GPC4: variants seen among roughly 807,000 people sequenced by gnomAD.
GPC4 encodes the protein glypican 4.
A neutral mutation model predicts 35.0 loss-of-function variants in GPC4; 10 were observed. That is an observed-to-expected ratio of 0.29 (90% CI 0.18 to 0.48). GPC4 has a LOEUF of 0.48. GPC4 is among the 20% of genes least tolerant of loss of function. GPC4 has a pLI of 0.99. For synonymous variants in GPC4, 167 were observed against 170.2 expected (o/e 0.98, Z 0.15); for missense variants, 322 against 451.3 (o/e 0.71, Z 2.60).
intron 1 of GPC4, among the ~76,000 whole-genome samples, chrX:133,408,753 A>G (rs972097249): frequency 9.0e-6 from 1 of 111,591 alleles, no homozygotes; most frequent in Non-Finnish European, 1.9e-5. Context: ...AAAAAATCCT[A>G]TAAGCATTCA....
At chrX:133,308,799 G>A (rs1027204097) in intron 4 of GPC4, among the ~76,000 whole-genome samples, 2 of 110,926 alleles carry the variant, frequency 1.8e-5, no homozygotes, top group Admixed American at 1.9e-4. Flanking sequence ...ACTAGGGAAA[G>A]CGATTCCTTT....
rs186727303 is a variant in GPC4 at position 133,401,036 on chromosome X, G to A, written c.160+13770C>T. 2.0e-3 allele frequency among the ~76,000 whole-genome samples: 223 copies of A among 111,255 alleles called. 5 individuals are homozygous for A. The highest frequency in any genetic ancestry group is 1.7e-3 in the Non-Finnish European group (91 of 53,074). ...AACCATGCTGCTATCTGGCAGCAGG[G>A]TGTTCAAGGCACTGAAAATAAGAAG... is the stretch of plus-strand genomic sequence containing the variant. On this transcript the variant is annotated intron_variant, in intron 1 of 8. Coordinates refer to ENST00000370828, the MANE Select transcript of GPC4 (RefSeq NM_001448.3).
chrX:133,387,014 T>C lies in GPC4; in HGVS notation c.160+27792A>G, dbSNP rs140161048. Among the ~76,000 whole-genome samples, 749 of 111,392 alleles carry C rather than the reference T, an allele frequency of 6.7e-3. 8 individuals are homozygous for C. The highest frequency in any genetic ancestry group is 0.023 in the African/African-American group (708 of 30,607). ...CCTGACATGCTGGTGTCAGAAGAAGTTGGAATCTTCACTACATAAAAAAAG... is the reference window on the plus strand; with the variant it reads ...CCTGACATGCTGGTGTCAGAAGAAGCTGGAATCTTCACTACATAAAAAAAG... On this transcript the variant is annotated intron_variant, in intron 1 of 8. Transcript: ENST00000370828.
At chrX:133,372,224 TA>T (rs372391787) in intron 1 of GPC4, among the ~76,000 whole-genome samples, 2,020 of 82,381 alleles carry the variant, frequency 0.025, 61 homozygotes, top group African/African-American at 0.071. Context: ...ACTCCGTCTT[TA>T]AAAAAAAAAA....
intron 1 of GPC4, among the ~76,000 whole-genome samples, chrX:133,390,516 T>C (rs1603093343): frequency 1.8e-5 from 2 of 111,624 alleles, no homozygotes; most frequent in African/African-American, 6.5e-5. Context: ...CAAGGGAAGT[T>C]TCCAAGGAGG....
At chrX:133,306,836 T>C (rs1164693276) in intron 4 of GPC4, among the ~76,000 whole-genome samples, 1 of 112,039 alleles carries the variant, frequency 8.9e-6, no homozygotes, top group East Asian at 2.8e-4. Context: ...TGACACAAGA[T>C]ACAGTACACA....
At chrX:133,392,371 G>C (rs2068723430) in intron 1 of GPC4, among the ~76,000 whole-genome samples, 1 of 104,947 alleles carries the variant, frequency 9.5e-6, no homozygotes, top group East Asian at 2.9e-4. Flanking sequence ...GGGCTACTGG[G>C]AGATATCCCT....
At chrX:133,377,445 T>C (rs1489781816) in intron 1 of GPC4, among the ~76,000 whole-genome samples, 1 of 112,224 alleles carries the variant, frequency 8.9e-6, no homozygotes, top group Non-Finnish European at 1.9e-5. Flanking sequence ...AGTGCTCATT[T>C]CCCTTGGCAG....
At chrX:133,395,629 T>C (rs1164077514) in intron 1 of GPC4, among the ~76,000 whole-genome samples, 1 of 111,422 alleles carries the variant, frequency 9.0e-6, no homozygotes, top group African/African-American at 3.3e-5. Flanking sequence ...ATCTCAAAAA[T>C]AAAAAAATGA....
chrX:133,318,815 A>G, intron 3 of GPC4, among the ~76,000 whole-genome samples: 1 of 111,911 alleles, frequency 8.9e-6, no homozygotes, highest in Non-Finnish European at 1.9e-5. Context: ...GTACGAGGGT[A>G]CTCTTGAACC....
At chrX:133,332,031 T>C (rs1355187563) in intron 2 of GPC4, among the ~76,000 whole-genome samples, 2 of 111,782 alleles carry the variant, frequency 1.8e-5, no homozygotes, top group Non-Finnish European at 3.8e-5. Flanking sequence ...ATTTAACCAC[T>C]GGAGGATTTG....
intron 1 of GPC4, among the ~76,000 whole-genome samples, chrX:133,413,573 C>A (rs1239713512): frequency 1.8e-5 from 2 of 110,197 alleles, no homozygotes; most frequent in Non-Finnish European, 3.8e-5. Context: ...GAGACCAGCA[C>A]GGCAAGGCAA....
chrX:133,379,594 T>A (rs903976010), intron 1 of GPC4, among the ~76,000 whole-genome samples: 1 of 111,877 alleles, frequency 8.9e-6, no homozygotes, highest in Non-Finnish European at 1.9e-5. Context: ...ACAAAAAAAA[T>A]GAAATCGTTT....
At position 133,414,902 on chromosome X, in the gene GPC4, C is replaced by T. The variant is rs2068831146; in HGVS notation, c.64G>A (p.Ala22Thr). ...TLAVLSAALL[A>T]AELKSKSCSE... The stretch of plus-strand genomic sequence containing the variant: ...CAACTTTTCGACTTGAGCTCGGCAG[C>T]CAGCAGCGCGGCGCTGAGCACTGCC... The change falls in exon 1 of 9, where the codon GCT (alanine) becomes ACT (threonine). Residue 22 changes from alanine (A) to threonine (T), a missense_variant. Physicochemically the swap from Ala to Thr is moderately conservative, Grantham distance 58. Around this residue, in one of 3 missense-constraint regions of GPC4, gnomAD observed 60 missense variants for 64.1 expected, o/e 0.94. Coordinates refer to ENST00000370828, the MANE Select transcript of GPC4 (RefSeq NM_001448.3). 8.3e-7 allele frequency: 1 copy of T among 1,212,002 alleles called. No individual in the cohort carries two copies. Among genetic ancestry groups the T allele is most frequent in the Non-Finnish European group, 1.1e-6 (1 of 895,466 alleles).
intron 3 of GPC4, among the ~76,000 whole-genome samples, chrX:133,317,974 A>G (rs185104002): frequency 2.7e-5 from 3 of 112,494 alleles, no homozygotes; most frequent in Non-Finnish European, 5.6e-5. Flanking sequence ...TGTAGATAAA[A>G]TTGAAGCTTC....
At chrX:133,385,814 G>A (rs764731197) in intron 1 of GPC4, among the ~76,000 whole-genome samples, 1 of 110,750 alleles carries the variant, frequency 9.0e-6, no homozygotes, top group Admixed American at 9.7e-5. Context: ...CAAAACTAAC[G>A]TTTGATTTGT....
intron 1 of GPC4, among the ~76,000 whole-genome samples, chrX:133,370,445 A>G (rs1328974179): frequency 9.0e-6 from 1 of 111,664 alleles, no homozygotes; most frequent in East Asian, 2.8e-4. Context: ...GCACAGGAAA[A>G]CCTCATCATT....
At chrX:133,378,520 G>A (rs1394630135) in intron 1 of GPC4, among the ~76,000 whole-genome samples, 1 of 101,745 alleles carries the variant, frequency 9.8e-6, no homozygotes, top group Non-Finnish European at 2.0e-5. Flanking sequence ...AGCTTGCAGT[G>A]AGCAGAGATC....
intron 1 of GPC4, among the ~76,000 whole-genome samples, chrX:133,408,511 G>A (rs1173174032): frequency 9.0e-6 from 1 of 111,538 alleles, no homozygotes; most frequent in Non-Finnish European, 1.9e-5. Flanking sequence ...GGCCGAGGTG[G>A]ATCACCTGAG....
Sources: allele counts gnomAD v4.1 joint callset (sites outside exome capture counted in the v4.1 genomes callset), GRCh38; gene constraint gnomAD v4.1.1; regional missense constraint gnomAD v4.1.1; transcripts MANE v1.5; gene names NCBI Gene and HGNC (gene_info 2026-07-23, HGNC 2026-07-21).